KCNH7: variants seen among roughly 807,000 people sequenced by gnomAD.
KCNH7 encodes the protein potassium voltage-gated channel subfamily H member 7.
A neutral mutation model predicts 120.8 loss-of-function variants in KCNH7; 49 were observed. The ratio of observed to expected loss-of-function variants is 0.41; its 90% CI spans 0.32 to 0.51. The LOEUF is 0.51. Ranked by LOEUF, KCNH7 falls within the 20% of genes least tolerant of loss-of-function variation. The pLI, the probability that KCNH7 is intolerant of heterozygous loss-of-function variation, is 0.38. For synonymous variants in KCNH7, 547 were observed against 516.1 expected, an observed-to-expected ratio of 1.06 and a Z score of -0.81; for missense variants, 1,097 against 1,446.6, an observed-to-expected ratio of 0.76 and a Z score of 3.92.
rs187318518 is a variant in KCNH7, at chr2:162,586,039, A to G, written c.308-48959T>C. 2.0e-3 allele frequency among the ~76,000 whole-genome samples: 304 copies of G among 152,248 alleles called. 2 individuals are homozygous for G. The highest frequency in any genetic ancestry group is 6.9e-3 in the African/African-American group (288 of 41,574). On this transcript the variant is annotated intron_variant, in intron 2 of 15. Transcript: ENST00000332142. The stretch of plus-strand genomic sequence containing the variant: ...ATTTTCTTCCCATATAGTTATGATT[A>G]GATTACTATCAGTTCATCAAAGTAA...
At chr2:162,517,211 T>C (rs1195347579) in intron 4 of KCNH7, among the ~76,000 whole-genome samples, 2 of 151,722 alleles carry the variant, frequency 1.3e-5, no homozygotes, top group African/African-American at 2.4e-5. Flanking sequence ...ACTTTCAGGA[T>C]TTTTTTCCCT....
rs867475472 is a variant in KCNH7 at position 162,648,870 on chromosome 2, G to A, written c.308-111790C>T. On this transcript the variant is annotated intron_variant, in intron 2 of 15. Transcript: ENST00000332142. Reference sequence around the variant, plus strand: ...TTTTCTGGGTGGTGGGACGTGAGGTGGGGGAAGATACTTCTCTTAAGTTTC... The same window carrying A: ...TTTTCTGGGTGGTGGGACGTGAGGTAGGGGAAGATACTTCTCTTAAGTTTC... Among the ~76,000 whole-genome samples the A allele has an allele frequency of 1.3e-5, 2 of 152,038 alleles. 1 individual carries two copies. Among genetic ancestry groups the A allele is most frequent in the South Asian group, 4.2e-4 (2 of 4,810 alleles).
chr2:162,380,920 C>T (rs74839205), intron 13 of KCNH7, among the ~76,000 whole-genome samples: 16 of 152,038 alleles, frequency 1.1e-4, no homozygotes, highest in Non-Finnish European at 1.8e-4. Context: ...TCCTTTTTCT[C>T]CTACAATCTA....
intron 3 of KCNH7, among the ~76,000 whole-genome samples, chr2:162,526,664 G>T (rs1315429563): frequency 6.6e-6 from 1 of 151,980 alleles, no homozygotes; most frequent in Non-Finnish European, 1.5e-5. Flanking sequence ...TATCTCTCTT[G>T]TTCCCTGAAC....
intron 7 of KCNH7, among the ~76,000 whole-genome samples, chr2:162,441,577 A>G (rs1688415829): frequency 6.6e-6 from 1 of 152,284 alleles, no homozygotes; most frequent in South Asian, 2.1e-4. Flanking sequence ...CTGGGGAGTA[A>G]GAGGTTAATG....
intron 2 of KCNH7, among the ~76,000 whole-genome samples, chr2:162,674,934 TGAAA>T (rs998018506): frequency 8.6e-5 from 13 of 151,624 alleles, no homozygotes; most frequent in African/African-American, 2.7e-4. Context: ...GCATTAATCA[TGAAA>T]GAAAGTATTG....
At chr2:162,709,472 A>G (rs995921597) in intron 2 of KCNH7, among the ~76,000 whole-genome samples, 2 of 152,110 alleles carry the variant, frequency 1.3e-5, no homozygotes, top group Admixed American at 1.3e-4. Flanking sequence ...GTGATCATCT[A>G]TAACAGTGGT....
chr2:162,541,103 CAT>C (rs1403005652), intron 2 of KCNH7, among the ~76,000 whole-genome samples: 4 of 152,168 alleles, frequency 2.6e-5, no homozygotes, highest in Non-Finnish European at 4.4e-5. Flanking sequence ...TGTAAATCCA[CAT>C]GTTTTCAGCA....
At chr2:162,816,257 C>CAA (rs10599191) in intron 2 of KCNH7, among the ~76,000 whole-genome samples, 2 of 59,998 alleles carry the variant, frequency 3.3e-5, no homozygotes, top group African/African-American at 1.3e-4. Flanking sequence ...AACTCCATCT[C>CAA]AAAAAAAAAA....
chr2:162,788,046 A>T (rs1490846692), intron 2 of KCNH7, among the ~76,000 whole-genome samples: 2 of 149,318 alleles, frequency 1.3e-5, no homozygotes, highest in African/African-American at 5.2e-5. Flanking sequence ...TCAAATGATA[A>T]GATACCAAGG....
intron 2 of KCNH7, among the ~76,000 whole-genome samples, chr2:162,774,809 G>A (rs928669589): frequency 5.9e-5 from 9 of 152,036 alleles, no homozygotes; most frequent in Admixed American, 2.0e-4. Context: ...CTTTGTTTAC[G>A]AATGTGTATG....
chr2:162,403,321 G>A (rs373685749), intron 9 of KCNH7, among the ~76,000 whole-genome samples: 54 of 151,990 alleles, frequency 3.6e-4, no homozygotes, highest in East Asian at 2.3e-3. Flanking sequence ...TTGCATCACC[G>A]CTTTAAGAAT....
At chr2:162,373,294 C>A (rs1442072720) in intron 15 of KCNH7, among the ~76,000 whole-genome samples, 176 bp downstream of exon 15, 1 of 152,224 alleles carries the variant, frequency 6.6e-6, no homozygotes, top group South Asian at 2.1e-4. Flanking sequence ...TAAAAATCAG[C>A]GTGGGCTTGT....
At chr2:162,532,940 G>C (rs1038783353) in intron 3 of KCNH7, among the ~76,000 whole-genome samples, 4 of 151,832 alleles carry the variant, frequency 2.6e-5, no homozygotes, top group Non-Finnish European at 4.4e-5. Context: ...GCACAAAGAT[G>C]AGCCTTAAGA....
chr2:162,549,277 C>G (rs540248446), intron 2 of KCNH7, among the ~76,000 whole-genome samples: 1 of 152,348 alleles, frequency 6.6e-6, no homozygotes, highest in Admixed American at 6.5e-5. Flanking sequence ...AATCTCTATG[C>G]TCCTCTGGCT....
intron 3 of KCNH7, among the ~76,000 whole-genome samples, chr2:162,530,979 A>T (rs1281462809): frequency 6.6e-6 from 1 of 151,972 alleles, no homozygotes; most frequent in Non-Finnish European, 1.5e-5. Context: ...TCTAGGTCAT[A>T]TAATGACAGA....
chr2:162,411,537 A>C (rs1289873385), intron 9 of KCNH7, among the ~76,000 whole-genome samples: 2 of 151,980 alleles, frequency 1.3e-5, no homozygotes, highest in East Asian at 3.9e-4. Flanking sequence ...TCATTTGTAC[A>C]TCAAGCCTCA....
At chr2:162,589,041 T>C (rs1410864508) in intron 2 of KCNH7, among the ~76,000 whole-genome samples, 3 of 152,092 alleles carry the variant, frequency 2.0e-5, no homozygotes, top group Non-Finnish European at 2.9e-5. Flanking sequence ...GTAGTTAAGG[T>C]GGCTCCCAAA....
intron 2 of KCNH7, among the ~76,000 whole-genome samples, chr2:162,717,876 G>A (rs1011728285): frequency 5.3e-5 from 8 of 151,988 alleles, no homozygotes; most frequent in Non-Finnish European, 7.4e-5. Flanking sequence ...AAATTCCTTA[G>A]CTGACATCTA....
Sources: allele counts gnomAD v4.1 joint callset (sites outside exome capture counted in the v4.1 genomes callset), GRCh38; gene constraint gnomAD v4.1.1; transcripts MANE v1.5; gene names NCBI Gene and HGNC (gene_info 2026-07-23, HGNC 2026-07-21).